VAT1L: variants seen among roughly 807,000 people sequenced by gnomAD.
VAT1L encodes vesicle amine transport 1 like, also known as putative NADPH-dependent quinone oxidoreductase VAT1L.
Under a neutral mutation model 44.1 loss-of-function variants are expected in VAT1L, and 34 were observed. That is an observed-to-expected ratio of 0.77 (90% CI 0.59 to 1.03). VAT1L has a LOEUF of 1.03. Among genes scored for constraint, VAT1L ranks in the 50% least tolerant of loss-of-function variants. The pLI, the probability that VAT1L is intolerant of heterozygous loss-of-function variation, is 0.00. For synonymous variants in VAT1L, 253 were observed against 202.2 expected (o/e 1.25, Z -2.13); for missense variants, 615 against 538.8 (o/e 1.14, Z -1.40).
intron 7 of VAT1L, among the ~76,000 whole-genome samples, chr16:77,912,869 G>A (rs1411765316): frequency 2.0e-5 from 3 of 152,174 alleles, no homozygotes; most frequent in East Asian, 1.9e-4. Context: ...GTAGATGGCC[G>A]TCTTCTCACT....
intron 7 of VAT1L, among the ~76,000 whole-genome samples, chr16:77,936,470 A>C (rs1403211657): frequency 6.6e-6 from 1 of 152,118 alleles, no homozygotes; most frequent in African/African-American, 2.4e-5. Flanking sequence ...AAAACGACCC[A>C]AGTGCTGGGG....
At chr16:77,947,405 C>G (rs1408980066) in intron 7 of VAT1L, among the ~76,000 whole-genome samples, 1 of 152,222 alleles carries the variant, frequency 6.6e-6, no homozygotes, top group East Asian at 1.9e-4. Flanking sequence ...TGGGTTTTAA[C>G]AGCATGTCTC....
Position 77,788,930 on chromosome 16 carries a change from C to A in VAT1L, c.233+15C>A. ...GTCAAAGCCTGGTCCAGTATCCGCG[C>A]CTTTCTCGCTTTCTCTCTTTTTGCG... On this transcript the variant is annotated intron_variant, in intron 1 of 8. Coordinates refer to ENST00000302536, the MANE Select transcript of VAT1L (RefSeq NM_020927.3). 2 of 1,462,322 alleles carry A rather than the reference C, an allele frequency of 1.4e-6. No homozygotes were observed. Among genetic ancestry groups the A allele is most frequent in the Non-Finnish European group, 1.8e-6 (2 of 1,107,972 alleles). 90.6% of individuals were successfully genotyped at this position (1,462,322 alleles called of 1,614,324 possible). A position where few individuals can be genotyped will look rare whatever the true frequency, so the allele number is the denominator to read the frequency against.
At chr16:77,805,614 G>C (rs947536542) in intron 1 of VAT1L, among the ~76,000 whole-genome samples, 1 of 152,042 alleles carries the variant, frequency 6.6e-6, no homozygotes, top group Non-Finnish European at 1.5e-5. Flanking sequence ...GCCCGGAGCT[G>C]GCAAAGGCTG....
chr16:77,896,116 G>A (rs1434985529), intron 7 of VAT1L, among the ~76,000 whole-genome samples: 4 of 152,174 alleles, frequency 2.6e-5, no homozygotes, highest in South Asian at 2.1e-4. Context: ...GCCAACCGCC[G>A]GAATATACCC....
intron 7 of VAT1L, among the ~76,000 whole-genome samples, chr16:77,938,352 G>A (rs74025924): frequency 1.5e-4 from 23 of 152,240 alleles, no homozygotes; most frequent in African/African-American, 5.3e-4. Context: ...AAAACTGAAC[G>A]CTCTGTCAAA....
chr16:77,867,837 C>T (rs1002532410), intron 4 of VAT1L, among the ~76,000 whole-genome samples: 14 of 146,026 alleles, frequency 9.6e-5, no homozygotes, highest in African/African-American at 2.8e-4. Flanking sequence ...CCAGCCTGGG[C>T]GACAGAGCGA....
At chr16:77,789,562 C>A (rs1597156463) in intron 1 of VAT1L, among the ~76,000 whole-genome samples, 1 of 152,150 alleles carries the variant, frequency 6.6e-6, no homozygotes, top group Non-Finnish European at 1.5e-5. Context: ...ACTTCCTTCC[C>A]CGTAGCCTGA....
chr16:77,812,036 G>A (rs866043241), intron 1 of VAT1L, among the ~76,000 whole-genome samples: 1 of 151,666 alleles, frequency 6.6e-6, no homozygotes, highest in Non-Finnish European at 1.5e-5. Flanking sequence ...CCAAGCACCT[G>A]CATCTGTTTC....
intron 3 of VAT1L, among the ~76,000 whole-genome samples, chr16:77,845,978 G>A (rs2016754706): frequency 6.6e-6 from 1 of 152,070 alleles, no homozygotes; most frequent in African/African-American, 2.4e-5. Context: ...AATTATCCCG[G>A]GTCTTCCTGT....
intron 7 of VAT1L, among the ~76,000 whole-genome samples, chr16:77,916,582 G>A (rs2017554280): frequency 6.6e-6 from 1 of 152,140 alleles, no homozygotes; most frequent in Non-Finnish European, 1.5e-5. Flanking sequence ...GGGACTACAG[G>A]CTTGCAACAT....
rs556099841 is a variant in VAT1L at position 77,897,452 on chromosome 16, G to C, written c.1077+12650G>C. On this transcript the variant is annotated intron_variant, in intron 7 of 8. Transcript: ENST00000302536. ...CTGATTGGATGGGGGCAAATTCTTG[G>C]TCCAAAAAACTGGTTTTGTTTTTTG... Among the ~76,000 whole-genome samples the C allele has an allele frequency of 2.6e-5, 4 of 152,228 alleles. No individual in the cohort carries two copies. In the South Asian group the frequency reaches 8.3e-4, roughly 32 times the overall value.
intron 4 of VAT1L, among the ~76,000 whole-genome samples, chr16:77,865,873 C>A (rs958759086): frequency 6.6e-6 from 1 of 152,150 alleles, no homozygotes; most frequent in Non-Finnish European, 1.5e-5. Flanking sequence ...CCAGAGAACT[C>A]CTGCCTGCTC....
rs1031837285 is a variant in VAT1L, at chr16:77,971,780, T to A, written c.1078-70T>A. 21 of 1,527,698 alleles carry A rather than the reference T, an allele frequency of 1.4e-5. No individual in the cohort carries two copies. The African/African-American group carries it at 2.1e-4, about 15-fold the overall frequency. The allele number at this position is 1,527,698 out of a possible 1,614,324, so 94.6% of individuals were successfully genotyped here. A position where few individuals can be genotyped will look rare whatever the true frequency, so the allele number is the denominator to read the frequency against. On this transcript the variant is annotated intron_variant, in intron 7 of 8. Coordinates refer to ENST00000302536, the MANE Select transcript of VAT1L (RefSeq NM_020927.3). ...GGTGGTCACTTGACAGTTTGAGTTC[T>A]CCAGGCCCCCTTTTTAACTGGGGAA...
At chr16:77,863,906 G>A (rs955625826) in intron 4 of VAT1L, among the ~76,000 whole-genome samples, 1 of 152,158 alleles carries the variant, frequency 6.6e-6, no homozygotes, top group African/African-American at 2.4e-5. Flanking sequence ...ACTAAAATGG[G>A]GCTATGATTG....
intron 8 of VAT1L, among the ~76,000 whole-genome samples, chr16:77,973,214 C>T (rs890265982): frequency 1.3e-5 from 2 of 152,160 alleles, no homozygotes; most frequent in Non-Finnish European, 2.9e-5. Flanking sequence ...GATCCCCTAT[C>T]GGTAAAGTGG....
chr16:77,924,929 C>G (rs1227127440), intron 7 of VAT1L, among the ~76,000 whole-genome samples: 1 of 152,142 alleles, frequency 6.6e-6, no homozygotes, highest in African/African-American at 2.4e-5. Context: ...TAAAGGATTT[C>G]TTTCCAAATA....
At chr16:77,863,481 A>G (rs1002642094) in intron 4 of VAT1L, among the ~76,000 whole-genome samples, 2 of 152,236 alleles carry the variant, frequency 1.3e-5, no homozygotes, top group African/African-American at 4.8e-5. Context: ...TGGCACTGGC[A>G]GTAAAGGGTG....
chr16:77,840,262 A>C (rs2016690839), intron 3 of VAT1L, among the ~76,000 whole-genome samples: 1 of 152,168 alleles, frequency 6.6e-6, no homozygotes. Context: ...CCAGCATATT[A>C]GGTGGGGAGG....
Sources: gnomAD v4.1 joint callset for allele counts (sites outside exome capture counted in the v4.1 genomes callset) on GRCh38, gnomAD v4.1.1 for gene constraint, MANE v1.5 for transcripts, NCBI Gene and HGNC (gene_info 2026-07-23, HGNC 2026-07-21) for gene names.